MTF1: variants seen among roughly 807,000 people sequenced by gnomAD.
MTF1 encodes MRE-binding transcription factor.
In MTF1, 22 loss-of-function variants were observed where a neutral mutation model predicts 70.4. The ratio of observed to expected loss-of-function variants is 0.31; its 90% confidence interval spans 0.22 to 0.45. The LOEUF (loss-of-function observed/expected upper bound fraction) is 0.45. MTF1 is among the 20% of genes least tolerant of loss of function. The pLI, the probability that MTF1 is intolerant of heterozygous loss-of-function variation, is 1.00. For synonymous variants in MTF1, 333 were observed against 352.8 expected (o/e 0.94, Z 0.63); for missense variants, 649 against 922.0 (o/e 0.70, Z 3.83).
At chr1:37,856,499 CTT>C (rs35260301) in intron 2 of MTF1, among the ~76,000 whole-genome samples, 106 of 122,636 alleles carry the variant, frequency 8.6e-4, no homozygotes, top group Admixed American at 1.3e-3. Flanking sequence ...GAATTTCTTT[CTT>C]TTTTTTTTTT....
chr1:37,820,308 A>G (rs1455880690), intron 9 of MTF1, among the ~76,000 whole-genome samples: 2 of 152,168 alleles, frequency 1.3e-5, no homozygotes, highest in Non-Finnish European at 2.9e-5. Flanking sequence ...ATTCCTACCC[A>G]TATCTCAAGG....
chr1:37,820,309 T>C (rs1640891834), intron 9 of MTF1, among the ~76,000 whole-genome samples: 1 of 152,220 alleles, frequency 6.6e-6, no homozygotes. Flanking sequence ...TTCCTACCCA[T>C]ATCTCAAGGC....
rs752530712 is a variant in MTF1 at position 37,832,336 on chromosome 1, A to G, written c.991-14T>C. 1 of 1,583,372 alleles carries G rather than the reference A, an allele frequency of 6.3e-7. No homozygotes were observed. The highest frequency in any genetic ancestry group is 1.7e-5 in the Admixed American group (1 of 58,812). ...GTGATTTGTATCCTGTGAAAGAGAA[A>G]AAATTCTAATTGAGTAACAAAAATC... On this transcript the variant is annotated splice_polypyrimidine_tract_variant and intron_variant, in intron 6 of 10. Transcript: ENST00000373036.
intron 10 of MTF1, among the ~76,000 whole-genome samples, chr1:37,816,674 CAAAAA>C (rs35764920): frequency 1.0e-5 from 1 of 96,058 alleles, no homozygotes; most frequent in Non-Finnish European, 2.0e-5. Flanking sequence ...GACTCCATCT[CAAAAA>C]AAAAAAAAAA....
At chr1:37,818,947 C>T (rs1316436783) in intron 9 of MTF1, among the ~76,000 whole-genome samples, 3 of 151,538 alleles carry the variant, frequency 2.0e-5, no homozygotes, top group South Asian at 2.1e-4. Context: ...GAGCCGAGAT[C>T]GCACCACTGC....
Position 37,809,836 on chromosome 1 carries a change from C to T in MTF1, c.*5300G>A, listed in dbSNP as rs1250147474. On this transcript the variant is annotated 3_prime_UTR_variant, in exon 11 of 11. Coordinates refer to ENST00000373036, the MANE Select transcript of MTF1 (RefSeq NM_005955.3). ...TCGCTCAGTGGAAGTCCGTTGTTCC[C>T]ATGTTTCACACTTACTTTTACATAA... The T allele has an allele frequency of 2.0e-5, 3 of 152,572 alleles. No homozygotes were observed. Among genetic ancestry groups the T allele is most frequent in the Non-Finnish European group, 4.4e-5 (3 of 68,026 alleles). The allele number at this position is 152,572 out of a possible 1,614,324, so 9.5% of individuals were successfully genotyped here.
At chr1:37,837,512 T>G (rs1641188114) in intron 4 of MTF1, among the ~76,000 whole-genome samples, 1 of 152,172 alleles carries the variant, frequency 6.6e-6, no homozygotes, top group Non-Finnish European at 1.5e-5. Context: ...TTTTTTTATT[T>G]TTATTTTTTT....
rs1050918106 is a variant in MTF1, at chr1:37,835,747, A to C, written c.780-3T>G. Reference sequence around the variant, plus strand: ...TTCCACAGCCATCGTGATCGCACCTAAATTTGTTAAGGAAAGAGAAACAGG... The same window carrying C: ...TTCCACAGCCATCGTGATCGCACCTCAATTTGTTAAGGAAAGAGAAACAGG... On this transcript the variant is annotated splice_polypyrimidine_tract_variant and splice_region_variant and intron_variant, in intron 4 of 10. Coordinates refer to ENST00000373036, the MANE Select transcript of MTF1 (RefSeq NM_005955.3). 2 of 1,613,634 alleles carry C rather than the reference A, an allele frequency of 1.2e-6. No homozygotes were observed. Among genetic ancestry groups the C allele is most frequent in the Non-Finnish European group, 1.7e-6 (2 of 1,179,596 alleles).
At chr1:37,819,951 C>CAAAAAAAAAAAAAA (rs766621404) in intron 9 of MTF1, among the ~76,000 whole-genome samples, 1 of 82,696 alleles carries the variant, frequency 1.2e-5, no homozygotes, top group African/African-American at 5.8e-5. Context: ...GACTCTGACT[C>CAAAAAAAAAAAAAA]AAAAAAAAAA....
intron 1 of MTF1, 73 bp from the exon 2 acceptor site, chr1:37,857,782 A>C: frequency 1.8e-5 from 15 of 839,246 alleles, no homozygotes; most frequent in African/African-American, 3.4e-5. Context: ...CACAAGGCTC[A>C]TTTTCCCTCT....
intron 2 of MTF1, among the ~76,000 whole-genome samples, chr1:37,843,186 T>C (rs1167515271): frequency 1.3e-5 from 2 of 152,142 alleles, no homozygotes; most frequent in African/African-American, 4.8e-5. Flanking sequence ...CCAGCTAATT[T>C]TTAAATGTTT....
At chr1:37,850,080 C>G (rs542183213) in intron 2 of MTF1, among the ~76,000 whole-genome samples, 2 of 151,686 alleles carry the variant, frequency 1.3e-5, no homozygotes, top group South Asian at 4.2e-4. Context: ...ACCAAAACAA[C>G]CACCAAAAAG....
At chr1:37,843,012 AT>A (rs1212101065) in intron 2 of MTF1, among the ~76,000 whole-genome samples, 1 of 152,130 alleles carries the variant, frequency 6.6e-6, no homozygotes, top group Non-Finnish European at 1.5e-5. Context: ...TCCTGAGTTG[AT>A]AAAGTCTTTT....
chr1:37,825,932 A>G (rs574454928), intron 7 of MTF1, among the ~76,000 whole-genome samples: 7 of 152,316 alleles, frequency 4.6e-5, no homozygotes, highest in African/African-American at 1.7e-4. Flanking sequence ...GGCTAAGGCC[A>G]TTGCTAGCTC....
intron 2 of MTF1, among the ~76,000 whole-genome samples, chr1:37,852,639 T>TC (rs1641433567): frequency 6.6e-6 from 1 of 151,644 alleles, no homozygotes; most frequent in East Asian, 1.9e-4. Context: ...CAAAACCTTT[T>TC]TTTTTTTTCC....
At chr1:37,817,340 T>C (rs1324873157) in intron 10 of MTF1, 79 bp downstream of exon 10, 3 of 866,356 alleles carry the variant, frequency 3.5e-6, no homozygotes, top group Admixed American at 4.2e-5. Context: ...TTTTAGAAAC[T>C]GGGACAAAGC....
At chr1:37,826,633 T>TA in intron 7 of MTF1, 1 of 434,724 alleles carries the variant, frequency 2.3e-6, no homozygotes, top group South Asian at 1.7e-5. Flanking sequence ...CCTTTTTTTT[T>TA]TTTTCTTCAT....
intron 2 of MTF1, among the ~76,000 whole-genome samples, chr1:37,856,993 A>C (rs953674994): frequency 1.3e-5 from 2 of 152,216 alleles, no homozygotes; most frequent in African/African-American, 4.8e-5. Flanking sequence ...TACTTAAGTG[A>C]AATTTCTGTT....
chr1:37,850,532 TGAGAGAGAGAAAGAGAAAAAAAA>T (rs1641400651), intron 2 of MTF1, among the ~76,000 whole-genome samples: 1 of 129,832 alleles, frequency 7.7e-6, no homozygotes, highest in Non-Finnish European at 1.6e-5. Flanking sequence ...AGGAAGGGAA[TGAGAGAGAGAAAGAGAAAAAAAA>T]GGGAGAGAGA....
Sources: gnomAD v4.1 joint callset for allele counts (sites outside exome capture counted in the v4.1 genomes callset) on GRCh38, gnomAD v4.1.1 for gene constraint, MANE v1.5 for transcripts, NCBI Gene and HGNC (gene_info 2026-07-23, HGNC 2026-07-21) for gene names.